The following SPIDR variants were observed in gnomAD, a reference collection of about 807,000 sequenced individuals.
SPIDR encodes DNA repair-scaffolding protein.
Under a neutral mutation model 104.6 loss-of-function variants are expected in SPIDR, and 93 were observed. That is an observed-to-expected ratio of 0.89 (90% CI 0.75 to 1.06). The LOEUF is 1.06. Ranked by LOEUF, SPIDR falls within the 50% of genes least tolerant of loss-of-function variation. The probability of loss-of-function intolerance (pLI) is 0.00; values close to 1 mark genes in which losing one functional copy is unlikely to be tolerated. For missense variants in SPIDR, 1,154 were observed against 1,111.2 expected (o/e 1.04, Z -0.55); for synonymous variants, 431 against 416.9 (o/e 1.03, Z -0.41).
intron 8 of SPIDR, among the ~76,000 whole-genome samples, chr8:47,548,742 T>G (rs1323413314): frequency 2.0e-5 from 3 of 152,220 alleles, no homozygotes; most frequent in African/African-American, 7.2e-5. Flanking sequence ...CTTGTGTGTT[T>G]GAATATCCTC....
In SPIDR at chr8:47,735,650, CTT is replaced by C. The variant is rs563904555; in HGVS notation, c.*203_*204del. The C allele has an allele frequency of 2.3e-5, 25 of 1,098,248 alleles. No homozygotes were observed. The highest frequency in any genetic ancestry group is 3.1e-4 in the Middle Eastern group (1 of 3,248). 68.0% of individuals were successfully genotyped at this position (1,098,248 alleles called of 1,614,324 possible). On this transcript the variant is annotated 3_prime_UTR_variant, in exon 20 of 20. Coordinates refer to ENST00000297423, the MANE Select transcript of SPIDR (RefSeq NM_001080394.4). ...CAAAATACCTTTTTCTACAGTTTAT[CTT>C]TTATTTTCTGCAAATTTAGGAACAT... is the stretch of plus-strand genomic sequence containing the variant.
At chr8:47,300,158 C>T (rs2041783240) in intron 5 of SPIDR, among the ~76,000 whole-genome samples, 1 of 152,180 alleles carries the variant, frequency 6.6e-6, no homozygotes, top group Non-Finnish European at 1.5e-5. Flanking sequence ...AGAGATTCAG[C>T]TTCTTGCTGG....
At chr8:47,433,275 C>A (rs2067678892) in intron 7 of SPIDR, among the ~76,000 whole-genome samples, 1 of 152,114 alleles carries the variant, frequency 6.6e-6, no homozygotes, top group African/African-American at 2.4e-5. Context: ...TGCTGCAGAC[C>A]CTCCTAACTA....
chr8:47,730,667 G>A (rs1279699347), intron 19 of SPIDR, among the ~76,000 whole-genome samples: 3 of 152,036 alleles, frequency 2.0e-5, no homozygotes, highest in Non-Finnish European at 4.4e-5. Flanking sequence ...CTACAGCCTC[G>A]AACTCCTGGG....
chr8:47,674,573 C>G (rs2076189580), intron 11 of SPIDR, among the ~76,000 whole-genome samples: 2 of 151,942 alleles, frequency 1.3e-5, no homozygotes, highest in African/African-American at 4.8e-5. Flanking sequence ...TCTCAATCTT[C>G]TTGTTACATC....
At chr8:47,473,786 T>C (rs1443734516) in intron 8 of SPIDR, among the ~76,000 whole-genome samples, 1 of 152,140 alleles carries the variant, frequency 6.6e-6, no homozygotes, top group Admixed American at 6.5e-5. Flanking sequence ...GATCTGGAAA[T>C]TAGATCCCAA....
chr8:47,698,938 A>T (rs1179414599), intron 11 of SPIDR, among the ~76,000 whole-genome samples: 1 of 152,230 alleles, frequency 6.6e-6, no homozygotes, highest in African/African-American at 2.4e-5. Flanking sequence ...CACTTCGCAG[A>T]ACACTTTTTG....
intron 5 of SPIDR, among the ~76,000 whole-genome samples, chr8:47,306,795 A>T (rs1391547873): frequency 6.6e-6 from 1 of 152,280 alleles, no homozygotes; most frequent in African/African-American, 2.4e-5. Flanking sequence ...ATAAATGTTT[A>T]TAATTTTTGT....
chr8:47,364,771 T>G (rs879972424), intron 5 of SPIDR, among the ~76,000 whole-genome samples: 2 of 152,230 alleles, frequency 1.3e-5, no homozygotes, highest in Non-Finnish European at 2.9e-5. Flanking sequence ...AAAAGCAGAT[T>G]TGCCTGTAAT....
At chr8:47,640,017 A>G (rs2068610817) in intron 10 of SPIDR, among the ~76,000 whole-genome samples, 1 of 152,090 alleles carries the variant, frequency 6.6e-6, no homozygotes, top group Non-Finnish European at 1.5e-5. Context: ...CTATTAGTAC[A>G]ACCAGAAATA....
chr8:47,531,294 C>T (rs2085951889), intron 8 of SPIDR, among the ~76,000 whole-genome samples: 1 of 152,164 alleles, frequency 6.6e-6, no homozygotes, highest in Admixed American at 6.5e-5. Context: ...CTGTCTTCTA[C>T]CTCTACAACT....
chr8:47,487,308 A>G (rs369164981), intron 8 of SPIDR, among the ~76,000 whole-genome samples: 1 of 152,198 alleles, frequency 6.6e-6, no homozygotes, highest in African/African-American at 2.4e-5. Flanking sequence ...GAGCTAACTA[A>G]CCTAAATATA....
chr8:47,382,579 AT>A (rs1411551719), intron 5 of SPIDR, among the ~76,000 whole-genome samples: 1 of 151,986 alleles, frequency 6.6e-6, no homozygotes, highest in Non-Finnish European at 1.5e-5. Context: ...CACCCAGCCA[AT>A]TTTTGTATTT....
intron 5 of SPIDR, among the ~76,000 whole-genome samples, chr8:47,321,048 C>T (rs1403973398): frequency 6.6e-6 from 1 of 152,178 alleles, no homozygotes; most frequent in Non-Finnish European, 1.5e-5. Flanking sequence ...CAGGGATGCC[C>T]TCTCTCACCG....
At chr8:47,488,619 C>T (rs966833509) in intron 8 of SPIDR, among the ~76,000 whole-genome samples, 6 of 152,112 alleles carry the variant, frequency 3.9e-5, no homozygotes, top group Admixed American at 1.3e-4. Context: ...ACTGGCAAAC[C>T]GAATGCAGCA....
At chr8:47,407,811 C>A in intron 6 of SPIDR, 50 bp from the exon 7 acceptor site, 2 of 1,146,810 alleles carry the variant, frequency 1.7e-6, no homozygotes, top group Admixed American at 1.9e-5. Flanking sequence ...TCCAGTGATT[C>A]TGAAGTTTTC....
chr8:47,607,745 A>C (rs1188301752), intron 10 of SPIDR, among the ~76,000 whole-genome samples: 1 of 151,954 alleles, frequency 6.6e-6, no homozygotes, highest in Non-Finnish European at 1.5e-5. Context: ...TTACTAATTG[A>C]CATCCAGACC....
At chr8:47,349,101 G>C (rs1352373204) in intron 5 of SPIDR, among the ~76,000 whole-genome samples, 1 of 152,164 alleles carries the variant, frequency 6.6e-6, no homozygotes, top group Non-Finnish European at 1.5e-5. Flanking sequence ...TCTACCTTTG[G>C]TCTTTGATGA....
At chr8:47,532,272 T>C (rs1478522256) in intron 8 of SPIDR, among the ~76,000 whole-genome samples, 1 of 152,138 alleles carries the variant, frequency 6.6e-6, no homozygotes, top group Non-Finnish European at 1.5e-5. Flanking sequence ...TTTCTCCATG[T>C]TGATCAGGCT....
Sources: allele counts gnomAD v4.1 joint callset (sites outside exome capture counted in the v4.1 genomes callset), GRCh38; gene constraint gnomAD v4.1.1; transcripts MANE v1.5; gene names NCBI Gene and HGNC (gene_info 2026-07-23, HGNC 2026-07-21).